Variants in GHR observed in about 807,000 individuals in gnomAD.
GHR encodes the protein GH receptor.
A neutral mutation model predicts 67.1 loss-of-function variants in GHR; 35 were observed. The ratio of observed to expected loss-of-function variants is 0.52; its 90% CI spans 0.40 to 0.69. GHR has a LOEUF of 0.69. Ranked by LOEUF, GHR falls within the 30% of genes least tolerant of loss-of-function variation. The pLI is 0.00. For missense variants in GHR, 792 were observed against 764.6 expected, an observed-to-expected ratio of 1.04 and a Z score of -0.42; for synonymous variants, 272 against 269.1, an observed-to-expected ratio of 1.01 and a Z score of -0.10.
chr5:42,551,369 G>A (rs1029324971), intron 1 of GHR, among the ~76,000 whole-genome samples: 2 of 152,192 alleles, frequency 1.3e-5, no homozygotes, highest in Non-Finnish European at 2.9e-5. Flanking sequence ...CTTCATGGAC[G>A]TGGTGATATT....
intron 1 of GHR, among the ~76,000 whole-genome samples, chr5:42,472,184 C>T (rs1249490191): frequency 1.3e-5 from 2 of 152,142 alleles, no homozygotes; most frequent in African/African-American, 4.8e-5. Context: ...ATCCCTTAAA[C>T]ATCTACAGGA....
chr5:42,511,902 C>A (rs539902571), intron 1 of GHR, among the ~76,000 whole-genome samples: 1 of 152,206 alleles, frequency 6.6e-6, no homozygotes, highest in African/African-American at 2.4e-5. Flanking sequence ...TTTTTGCACC[C>A]CTCTATCATC....
intron 3 of GHR, among the ~76,000 whole-genome samples, chr5:42,687,859 A>C (rs777832708): frequency 6.6e-6 from 1 of 152,224 alleles, no homozygotes; most frequent in Non-Finnish European, 1.5e-5. Context: ...TAAGAAAAAG[A>C]AGAGAAATTT....
At chr5:42,437,035 A>G (rs889859066) in intron 1 of GHR, among the ~76,000 whole-genome samples, 7 of 152,224 alleles carry the variant, frequency 4.6e-5, no homozygotes, top group African/African-American at 1.7e-4. Context: ...GCCTAGAGTT[A>G]GTATCTAATA....
intron 2 of GHR, 49 bp downstream of exon 2, chr5:42,565,993 G>A (rs1193927222): frequency 1.1e-5 from 17 of 1,603,878 alleles, no homozygotes; most frequent in Admixed American, 1.0e-4. Context: ...AAACAACACT[G>A]AACTGTATTC....
chr5:42,478,756 G>T (rs1318784816), intron 1 of GHR, among the ~76,000 whole-genome samples: 1 of 152,206 alleles, frequency 6.6e-6, no homozygotes, highest in Non-Finnish European at 1.5e-5. Context: ...CTTTGCTGAA[G>T]TTGCTTATCA....
At chr5:42,506,272 CCTTT>C (rs1941803305) in intron 1 of GHR, among the ~76,000 whole-genome samples, 1 of 152,120 alleles carries the variant, frequency 6.6e-6, no homozygotes, top group South Asian at 2.1e-4. Flanking sequence ...TCCCAAAAGC[CCTTT>C]CTAAGTGAGA....
Position 42,719,960 on chromosome 5 carries a change from T to C in GHR, c.*536T>C, listed in dbSNP as rs1758941985. ...AACATTTATTTTGACATAAAGTTGA[T>C]AAAGATTTTTTAATAATTTAGACTT... On this transcript the variant is annotated 3_prime_UTR_variant, in exon 10 of 10. Transcript: ENST00000230882. 1.0e-5 allele frequency: 1 copy of C among 100,140 alleles called. No homozygotes were observed. Among genetic ancestry groups the C allele is most frequent in the Non-Finnish European group, 1.9e-5 (1 of 52,494 alleles). The allele number at this position is 100,140 out of a possible 1,614,324, so 6.2% of individuals were successfully genotyped here.
At chr5:42,522,163 T>C (rs767188970) in intron 1 of GHR, among the ~76,000 whole-genome samples, 8 of 152,184 alleles carry the variant, frequency 5.3e-5, no homozygotes, top group Non-Finnish European at 8.8e-5. Context: ...ATTACCAGAT[T>C]TGTAATTTTA....
At chr5:42,485,264 G>A (rs1018944092) in intron 1 of GHR, among the ~76,000 whole-genome samples, 2 of 152,016 alleles carry the variant, frequency 1.3e-5, no homozygotes, top group African/African-American at 2.4e-5. Flanking sequence ...TCTTCCATCC[G>A]GTAAATTTTC....
rs118001443 is a variant in GHR at position 42,553,538 on chromosome 5, C to G, written c.-11-12326C>G. ...CAAGTTTCTAGTCTCTCTGACTTCCCCTTCTGCCATATCTCATTCTGCTTT... is the reference window on the plus strand; with the variant it reads ...CAAGTTTCTAGTCTCTCTGACTTCCGCTTCTGCCATATCTCATTCTGCTTT... On this transcript the variant is annotated intron_variant, in intron 1 of 9. Transcript: ENST00000230882. Among the ~76,000 whole-genome samples the G allele has an allele frequency of 7.2e-5, 11 of 152,324 alleles. No individual in the cohort carries two copies. In the East Asian group the frequency reaches 1.9e-3, roughly 27 times the overall value.
chr5:42,558,781 C>A (rs1749446438), intron 1 of GHR, among the ~76,000 whole-genome samples: 1 of 152,084 alleles, frequency 6.6e-6, no homozygotes. Flanking sequence ...CCTAATGATG[C>A]ATTTTTCAGA....
intron 5 of GHR, among the ~76,000 whole-genome samples, chr5:42,698,060 C>T (rs748852855): frequency 1.3e-5 from 2 of 152,118 alleles, no homozygotes; most frequent in Non-Finnish European, 2.9e-5. Context: ...GAATTGAGTC[C>T]TCGTTAACAG....
At chr5:42,576,951 T>A (rs1750780005) in intron 2 of GHR, among the ~76,000 whole-genome samples, 1 of 152,234 alleles carries the variant, frequency 6.6e-6, no homozygotes, top group South Asian at 2.1e-4. Flanking sequence ...TAGTTACTGG[T>A]AAGAGGTTTT....
At chr5:42,544,344 A>C (rs73751207) in intron 1 of GHR, among the ~76,000 whole-genome samples, 1 of 152,356 alleles carries the variant, frequency 6.6e-6, no homozygotes, top group African/African-American at 2.4e-5. Flanking sequence ...TTTATCCATT[A>C]AATTAGTGAA....
chr5:42,468,182 G>C, intron 1 of GHR: 2 of 1,397,306 alleles, frequency 1.4e-6, no homozygotes, highest in Non-Finnish European at 2.0e-6. Context: ...AACTCCCCTG[G>C]GGCCCAGACT....
rs1742723973 is a variant in GHR at position 42,423,903 on chromosome 5, G to A, written c.-64G>A. 1 of 155,216 alleles carries A rather than the reference G, an allele frequency of 6.4e-6. No homozygotes were observed. The highest frequency in any genetic ancestry group is 6.5e-5 in the Admixed American group (1 of 15,276). 9.6% of individuals were successfully genotyped at this position (155,216 alleles called of 1,614,324 possible). On this transcript the variant is annotated 5_prime_UTR_variant, in exon 1 of 10. Transcript: ENST00000230882. ...GCGGGCCGGAGGCCCCGGCACCATT[G>A]GCCCCAGCGCAGACGCGAACCCGCG...
At chr5:42,513,947 CT>C (rs1180830963) in intron 1 of GHR, 1 of 182,176 alleles carries the variant, frequency 5.5e-6, no homozygotes, top group Non-Finnish European at 1.0e-5. Context: ...ATAAAAATGA[CT>C]GCAAACATTA....
At chr5:42,506,790 A>G (rs762570140) in intron 1 of GHR, among the ~76,000 whole-genome samples, 9 of 152,326 alleles carry the variant, frequency 5.9e-5, no homozygotes, top group South Asian at 2.1e-4. Flanking sequence ...CCTTGACCAT[A>G]GTACATTTAA....
Sources: allele counts gnomAD v4.1 joint callset (sites outside exome capture counted in the v4.1 genomes callset), GRCh38; gene constraint gnomAD v4.1.1; transcripts MANE v1.5; gene names NCBI Gene and HGNC (gene_info 2026-07-23, HGNC 2026-07-21).